The following AOAH variants were observed in gnomAD, a reference collection of about 807,000 sequenced individuals.
AOAH encodes acyloxyacyl hydrolase (neutrophil).
AOAH carries 64 observed loss-of-function variants against 92.2 expected under a neutral mutation model. The ratio of observed to expected loss-of-function variants is 0.69; its 90% CI spans 0.57 to 0.86. AOAH has a LOEUF of 0.86. AOAH is among the 40% of genes least tolerant of loss of function. The probability of loss-of-function intolerance (pLI) is 0.00; values close to 1 mark genes in which losing one functional copy is unlikely to be tolerated. For synonymous variants in AOAH, 263 were observed against 254.5 expected (o/e 1.03, Z -0.32); for missense variants, 656 against 694.6 (o/e 0.94, Z 0.62).
intron 15 of AOAH, among the ~76,000 whole-genome samples, chr7:36,543,336 C>G (rs955368456): frequency 6.6e-6 from 1 of 152,160 alleles, no homozygotes; most frequent in African/African-American, 2.4e-5. Context: ...TCTATATTCA[C>G]TGTGTGTTTG....
At chr7:36,662,806 T>C (rs1795297937) in intron 3 of AOAH, among the ~76,000 whole-genome samples, 1 of 152,220 alleles carries the variant, frequency 6.6e-6, no homozygotes, top group Non-Finnish European at 1.5e-5. Flanking sequence ...TGGCCATCTC[T>C]GAGCTGGAGA....
chr7:36,615,367 T>C (rs1382973110), intron 11 of AOAH, among the ~76,000 whole-genome samples: 7 of 152,228 alleles, frequency 4.6e-5, no homozygotes, highest in Non-Finnish European at 8.8e-5. Flanking sequence ...GTGCTTTATA[T>C]TTTAGCACCT....
At chr7:36,631,385 T>C (rs1583987463) in intron 6 of AOAH, among the ~76,000 whole-genome samples, 1 of 148,974 alleles carries the variant, frequency 6.7e-6, no homozygotes, top group African/African-American at 2.5e-5. Context: ...TAGTGGAGGG[T>C]AGACCCCATG....
At chr7:36,557,021 G>A (rs1786783880) in intron 13 of AOAH, among the ~76,000 whole-genome samples, 1 of 151,914 alleles carries the variant, frequency 6.6e-6, no homozygotes, top group Non-Finnish European at 1.5e-5. Flanking sequence ...ATTTGATCCT[G>A]TCATTATGAT....
Position 36,647,424 on chromosome 7 carries a change from C to T in AOAH, c.391-9514G>A, listed in dbSNP as rs73342125. Among the ~76,000 whole-genome samples, 1,363 of 152,248 alleles carry T rather than the reference C, an allele frequency of 9.0e-3. 12 individuals carry two copies. The highest frequency in any genetic ancestry group is 0.031 in the African/African-American group (1,306 of 41,544). On this transcript the variant is annotated intron_variant, in intron 4 of 20. Coordinates refer to ENST00000617537, the MANE Select transcript of AOAH (RefSeq NM_001637.4). ...CATTCCCAGTCATTAGCGTCATTAG[C>T]GATTCTTGAGCTGAGGGAATTAATA...
At chr7:36,707,538 C>T (rs1798500797) in intron 1 of AOAH, among the ~76,000 whole-genome samples, 2 of 152,098 alleles carry the variant, frequency 1.3e-5, no homozygotes, top group Admixed American at 1.3e-4. Flanking sequence ...TTGCCATAAA[C>T]CTCCAATTTG....
chr7:36,571,346 T>G (rs572728893), intron 13 of AOAH, among the ~76,000 whole-genome samples: 2 of 152,290 alleles, frequency 1.3e-5, no homozygotes, highest in East Asian at 3.9e-4. Flanking sequence ...ACCCCTCATC[T>G]GCTTCTCCTC....
chr7:36,523,960 G>T (rs1435489153), intron 19 of AOAH, among the ~76,000 whole-genome samples: 1 of 151,928 alleles, frequency 6.6e-6, no homozygotes, highest in African/African-American at 2.4e-5. Context: ...ATCTCTCCTT[G>T]CAGTCCCACA....
chr7:36,706,369 T>C (rs972879780), intron 1 of AOAH, among the ~76,000 whole-genome samples: 1 of 152,164 alleles, frequency 6.6e-6, no homozygotes, highest in African/African-American at 2.4e-5. Flanking sequence ...GTCTCCACAG[T>C]GAGCTCAAAA....
intron 1 of AOAH, among the ~76,000 whole-genome samples, chr7:36,713,433 A>C (rs547821303): frequency 1.6e-4 from 24 of 152,300 alleles, no homozygotes; most frequent in Non-Finnish European, 2.4e-4. Context: ...ACAGAAAGTT[A>C]ACAAGGATAT....
intron 15 of AOAH, among the ~76,000 whole-genome samples, chr7:36,546,539 C>T (rs1479730002): frequency 6.6e-6 from 1 of 152,238 alleles, no homozygotes; most frequent in Admixed American, 6.5e-5. Flanking sequence ...TGGCACAGGT[C>T]TCTGGCTGAT....
chr7:36,621,589 G>A (rs577093520), intron 8 of AOAH, 121 bp downstream of exon 8: 45 of 952,584 alleles, frequency 4.7e-5, no homozygotes, highest in South Asian at 3.7e-4. Flanking sequence ...TACTTCAATC[G>A]GAACATGAAA....
chr7:36,538,781 C>T (rs182076593), intron 16 of AOAH, among the ~76,000 whole-genome samples: 196 of 152,264 alleles, frequency 1.3e-3, no homozygotes, highest in African/African-American at 4.6e-3. Flanking sequence ...ATTTCTAAGG[C>T]GGCGTGGTCA....
chr7:36,681,230 T>C (rs1021622621), intron 2 of AOAH, among the ~76,000 whole-genome samples: 1 of 152,214 alleles, frequency 6.6e-6, no homozygotes, highest in Non-Finnish European at 1.5e-5. Flanking sequence ...CTTCTTCTTC[T>C]GTAACTCGGA....
At chr7:36,688,653 T>G (rs1797187275) in intron 1 of AOAH, among the ~76,000 whole-genome samples, 1 of 152,180 alleles carries the variant, frequency 6.6e-6, no homozygotes, top group African/African-American at 2.4e-5. Context: ...GGTACCTACC[T>G]TTCTGAAAAT....
chr7:36,611,414 C>T (rs1226941422), intron 11 of AOAH, among the ~76,000 whole-genome samples: 2 of 152,186 alleles, frequency 1.3e-5, no homozygotes, highest in African/African-American at 4.8e-5. Flanking sequence ...GTAACCCAAA[C>T]CAATACCAAC....
chr7:36,548,674 G>C lies in AOAH; in HGVS notation c.1071C>G (p.Asn357Lys), dbSNP rs1342576127. 1 of 1,613,478 alleles carries C rather than the reference G, an allele frequency of 6.2e-7. No individual in the cohort carries two copies. The change falls in exon 15 of 21, where the codon AAC (asparagine) becomes AAG (lysine). Residue 357 changes from asparagine (N) to lysine (K), a missense_variant. By Grantham distance (94) the Asn-to-Lys change is moderately conservative (BLOSUM62 0). Transcript: ENST00000617537. Reference sequence around the variant, plus strand: ...CGATGGCGGGATAGTCCAACACCTTGTTTCTAGACAAGCTGAGAAGGCATA... The same window carrying C: ...CGATGGCGGGATAGTCCAACACCTTCTTTCTAGACAAGCTGAGAAGGCATA... ...LKKFIESLSRNKVLDYPAIVI... is the reference protein window; with the variant it reads ...LKKFIESLSRKKVLDYPAIVI...
chr7:36,683,921 G>A (rs1796806014), intron 2 of AOAH, among the ~76,000 whole-genome samples: 1 of 152,020 alleles, frequency 6.6e-6, no homozygotes, highest in Admixed American at 6.6e-5. Flanking sequence ...TTGAACAAGG[G>A]TGGGAGAGGT....
chr7:36,646,393 C>T (rs1292457814), intron 4 of AOAH, among the ~76,000 whole-genome samples: 2 of 152,112 alleles, frequency 1.3e-5, no homozygotes, highest in African/African-American at 4.8e-5. Flanking sequence ...AGTATGTTGT[C>T]TTATTCTTTA....
Sources: allele counts gnomAD v4.1 joint callset (sites outside exome capture counted in the v4.1 genomes callset), GRCh38; gene constraint gnomAD v4.1.1; transcripts MANE v1.5; gene names NCBI Gene and HGNC (gene_info 2026-07-23, HGNC 2026-07-21).